Variants in TTC39B observed in about 807,000 individuals in gnomAD.
TTC39B encodes tetratricopeptide repeat domain 39B, also known as tetratricopeptide repeat protein 39B.
TTC39B carries 92 observed loss-of-function variants against 96.6 expected under a neutral mutation model. That is an observed-to-expected ratio of 0.95 (90% CI 0.80 to 1.13). The LOEUF (loss-of-function observed/expected upper bound fraction) is 1.13, where lower values mean the gene tolerates loss of function less well. Among genes scored for constraint, TTC39B ranks in the 50% most tolerant of loss-of-function variants. TTC39B has a pLI of 0.00. For synonymous variants in TTC39B, 367 were observed against 299.4 expected (o/e 1.23, Z -2.33); for missense variants, 955 against 809.3 (o/e 1.18, Z -2.18).
intron 1 of TTC39B, among the ~76,000 whole-genome samples, chr9:15,299,645 T>A (rs1437984333): frequency 6.6e-6 from 1 of 152,162 alleles, no homozygotes; most frequent in African/African-American, 2.4e-5. Context: ...TACTCATCTT[T>A]GGGAAGTGAA....
chr9:15,225,234 C>A (rs954058942), intron 3 of TTC39B, among the ~76,000 whole-genome samples: 4 of 151,886 alleles, frequency 2.6e-5, no homozygotes, highest in Non-Finnish European at 4.4e-5. Context: ...GATTACTGAA[C>A]AGTATATTTA....
intron 2 of TTC39B, among the ~76,000 whole-genome samples, chr9:15,266,924 A>G (rs1004346463): frequency 2.0e-5 from 3 of 150,180 alleles, no homozygotes; most frequent in Admixed American, 6.6e-5. Flanking sequence ...CTAAAAATAC[A>G]AAAAAAATAG....
intron 1 of TTC39B, among the ~76,000 whole-genome samples, chr9:15,303,029 G>A (rs910219135): frequency 2.0e-5 from 3 of 151,358 alleles, no homozygotes; most frequent in African/African-American, 4.9e-5. Context: ...TTAGCTGGAC[G>A]TGGTGGCACG....
At chr9:15,307,174 G>A (rs1587049940) in exon 1 of TTC39B, 3 of 1,592,240 alleles carry the variant, frequency 1.9e-6, no homozygotes, top group Non-Finnish European at 2.6e-6. Flanking sequence ...GGAACTCAGA[G>A]CCGACTCCTG....
intron 2 of TTC39B, among the ~76,000 whole-genome samples, chr9:15,252,874 A>G (rs1586961959): frequency 6.6e-6 from 1 of 152,234 alleles, no homozygotes; most frequent in East Asian, 1.9e-4. Context: ...CTATTAAAAA[A>G]TCATCTTTCC....
chr9:15,171,880 C>CATTTACTGTTGAAT (rs1397378718), exon 20 of TTC39B: 7 of 505,162 alleles, frequency 1.4e-5, no homozygotes, highest in African/African-American at 7.9e-5. Flanking sequence ...GTAAATCTCT[C>CATTTACTGTTGAAT]AGATGATAGA....
At chr9:15,178,732 A>G (rs1818093544) in intron 17 of TTC39B, among the ~76,000 whole-genome samples, 1 of 152,202 alleles carries the variant, frequency 6.6e-6, no homozygotes, top group African/African-American at 2.4e-5. Context: ...CTAAATAAAG[A>G]GCTTTATTAA....
At chr9:15,175,197 A>G in intron 18 of TTC39B, 62 bp from the exon 19 acceptor site, 1 of 1,148,278 alleles carries the variant, frequency 8.7e-7, no homozygotes, top group Non-Finnish European at 1.3e-6. Flanking sequence ...ATTTTTCTAA[A>G]TATATATTAT....
At chr9:15,273,566 C>A (rs1055169992) in intron 1 of TTC39B, among the ~76,000 whole-genome samples, 1 of 152,164 alleles carries the variant, frequency 6.6e-6, no homozygotes, top group African/African-American at 2.4e-5. Context: ...GGCCTGAGAA[C>A]AGATTCTACC....
Position 15,234,067 on chromosome 9 carries a change from C to A in TTC39B, c.276-8055G>T, listed in dbSNP as rs562329379. 6.1e-3 allele frequency among the ~76,000 whole-genome samples: 844 copies of A among 138,650 alleles called. 4 individuals are homozygous for A. The highest frequency in any genetic ancestry group is 8.7e-3 in the Non-Finnish European group (565 of 64,960). 91.0% of individuals were successfully genotyped at this position (138,650 alleles called of 152,430 possible). A position where few individuals can be genotyped will look rare whatever the true frequency, so the allele number is the denominator to read the frequency against. Reference sequence around the variant, plus strand: ...GCCGCCCCGTCTGGGATGTGAGGAGCGCCTCTGCCCGGCCGCGACCCCATC... The same window carrying A: ...GCCGCCCCGTCTGGGATGTGAGGAGAGCCTCTGCCCGGCCGCGACCCCATC... On this transcript the variant is annotated intron_variant, in intron 2 of 19. Transcript: ENST00000512701.
At chr9:15,175,040 A>G (rs780852177) in exon 19 of TTC39B, 2 of 1,613,518 alleles carry the variant, frequency 1.2e-6, no homozygotes, top group South Asian at 2.2e-5. Flanking sequence ...TAGGAACTTT[A>G]TGGCCTTGTC....
chr9:15,175,124 A>G, exon 19 of TTC39B: 3 of 1,611,706 alleles, frequency 1.9e-6, no homozygotes, highest in Non-Finnish European at 2.5e-6. Flanking sequence ...GTCATACTTC[A>G]GTAGCTTTTC....
intron 1 of TTC39B, among the ~76,000 whole-genome samples, chr9:15,285,406 A>C (rs1250238349): frequency 2.0e-5 from 3 of 152,222 alleles, no homozygotes; most frequent in Non-Finnish European, 1.5e-5. Context: ...ATAAGAATAT[A>C]CACACAACGA....
chr9:15,282,357 G>C (rs1376138521), intron 1 of TTC39B, among the ~76,000 whole-genome samples: 1 of 152,336 alleles, frequency 6.6e-6, no homozygotes, highest in African/African-American at 2.4e-5. Flanking sequence ...AATGACTGCA[G>C]AGGGATAGAT....
At chr9:15,190,112 T>C (rs1818771402) in intron 11 of TTC39B, among the ~76,000 whole-genome samples, 1 of 151,170 alleles carries the variant, frequency 6.6e-6, no homozygotes, top group Non-Finnish European at 1.5e-5. Flanking sequence ...ATCTCATATA[T>C]GATAAAATAG....
At chr9:15,234,143 G>T (rs1197650401) in intron 2 of TTC39B, among the ~76,000 whole-genome samples, 1 of 150,920 alleles carries the variant, frequency 6.6e-6, no homozygotes, top group Non-Finnish European at 1.5e-5. Flanking sequence ...GAAGTGAGGA[G>T]TCCCTCTGCC....
At chr9:15,272,439 A>G (rs79285155) in intron 1 of TTC39B, among the ~76,000 whole-genome samples, 5,129 of 152,276 alleles carry the variant, frequency 0.034, 284 homozygotes, top group African/African-American at 0.12. Flanking sequence ...TAAGTAAAGT[A>G]AGACAGGAGA....
At chr9:15,289,681 T>C (rs1364133337) in intron 1 of TTC39B, among the ~76,000 whole-genome samples, 1 of 152,238 alleles carries the variant, frequency 6.6e-6, no homozygotes, top group East Asian at 1.9e-4. Context: ...CTGATTTTTT[T>C]TTATTCTTTG....
intron 1 of TTC39B, among the ~76,000 whole-genome samples, chr9:15,305,973 C>A (rs1346948643): frequency 6.6e-6 from 1 of 152,100 alleles, no homozygotes; most frequent in Non-Finnish European, 1.5e-5. Flanking sequence ...TCTTGTCTCT[C>A]TGTCATGCAG....
Sources: allele counts gnomAD v4.1 joint callset (sites outside exome capture counted in the v4.1 genomes callset), GRCh38; gene constraint gnomAD v4.1.1; transcripts MANE v1.5; gene names NCBI Gene and HGNC (gene_info 2026-07-23, HGNC 2026-07-21).